Variants in HEPH observed in about 807,000 individuals in gnomAD.
HEPH encodes the protein hephaestin.
In HEPH, 69 loss-of-function variants were observed where a neutral mutation model predicts 80.8. That is an observed-to-expected ratio of 0.85 (90% CI 0.70 to 1.04). The LOEUF is 1.04. Among genes scored for constraint, HEPH ranks in the 50% least tolerant of loss-of-function variants. HEPH has a pLI of 0.00. For synonymous variants in HEPH, 431 were observed against 322.8 expected (o/e 1.34, Z -3.60); for missense variants, 1,115 against 891.3 (o/e 1.25, Z -3.20).
chrX:66,238,543 A>AAAAC lies in HEPH; in HGVS notation c.2564-16472_2564-16469dup, dbSNP rs895686464. Among the ~76,000 whole-genome samples the AAAAC allele has an allele frequency of 7.2e-5, 8 of 111,396 alleles. No individual in the cohort carries two copies. The South Asian group carries it at 1.1e-3, about 16-fold the overall frequency. ...CTGCATGACAAAGTGAGACCCTGTCAAAACAAACAAACAAACAAACAAAAG... is the reference window on the plus strand; with the variant it reads ...CTGCATGACAAAGTGAGACCCTGTCAAAACAAACAAACAAACAAACAAACAAAAG... On this transcript the variant is annotated intron_variant, in intron 15 of 20. Coordinates refer to ENST00000343002, the MANE Select transcript of HEPH (RefSeq NM_001367233.3).
intron 15 of HEPH, among the ~76,000 whole-genome samples, chrX:66,247,584 A>G (rs1432826165): frequency 9.1e-6 from 1 of 110,250 alleles, no homozygotes; most frequent in Non-Finnish European, 1.9e-5. Context: ...TTTACTTTTT[A>G]TTTATGTTTT....
chrX:66,178,156 C>A (rs745977827), intron 4 of HEPH, among the ~76,000 whole-genome samples: 20 of 111,251 alleles, frequency 1.8e-4, no homozygotes, highest in African/African-American at 5.2e-4. Flanking sequence ...CAAGTGTTCT[C>A]ATTGTTCAAT....
intron 15 of HEPH, among the ~76,000 whole-genome samples, chrX:66,209,878 A>T (rs2089017873): frequency 1.8e-5 from 2 of 111,233 alleles, no homozygotes; most frequent in African/African-American, 6.5e-5. Context: ...TGGATTTGGT[A>T]TATTTGTAAG....
At chrX:66,176,621 G>T (rs1285591019) in intron 4 of HEPH, among the ~76,000 whole-genome samples, 2 of 110,884 alleles carry the variant, frequency 1.8e-5, no homozygotes, top group African/African-American at 6.6e-5. Flanking sequence ...TTAGCATTAG[G>T]TATATCTCCT....
At chrX:66,176,232 T>C (rs1472398342) in intron 4 of HEPH, among the ~76,000 whole-genome samples, 1 of 112,305 alleles carries the variant, frequency 8.9e-6, no homozygotes, top group African/African-American at 3.2e-5. Flanking sequence ...AATGTAATGT[T>C]GGATTTTGTT....
intron 3 of HEPH, 126 bp downstream of exon 3, chrX:66,172,725 A>C: frequency 1.4e-6 from 1 of 733,188 alleles, no homozygotes; most frequent in Non-Finnish European, 1.9e-6. Flanking sequence ...GGTGGCAAAG[A>C]CTCTCCTCAG....
intron 15 of HEPH, among the ~76,000 whole-genome samples, chrX:66,248,978 G>T (rs137916100): frequency 9.0e-6 from 1 of 111,716 alleles, no homozygotes. Flanking sequence ...GGCCATCAGT[G>T]TTGTGGAGGT....
intron 4 of HEPH, among the ~76,000 whole-genome samples, chrX:66,176,670 C>A (rs889853878): frequency 9.0e-6 from 1 of 110,701 alleles, no homozygotes; most frequent in African/African-American, 3.3e-5. Flanking sequence ...CCACAACAGT[C>A]CCTGGTGTGT....
intron 4 of HEPH, among the ~76,000 whole-genome samples, chrX:66,174,162 C>T (rs2086709731): frequency 9.1e-6 from 1 of 109,878 alleles, no homozygotes; most frequent in Admixed American, 9.8e-5. Context: ...CCTCGTGCCC[C>T]CCCAGCCTTT....
intron 15 of HEPH, among the ~76,000 whole-genome samples, chrX:66,222,002 G>A (rs976507005): frequency 8.9e-6 from 1 of 112,428 alleles, no homozygotes; most frequent in Non-Finnish European, 1.9e-5. Context: ...ATAGCCAATT[G>A]GACTAATGTA....
chrX:66,175,050 A>G (rs2086743731), intron 4 of HEPH, among the ~76,000 whole-genome samples: 1 of 111,238 alleles, frequency 9.0e-6, no homozygotes, highest in African/African-American at 3.3e-5. Context: ...TTTTGATTGC[A>G]TTTGCCTTTG....
intron 9 of HEPH, among the ~76,000 whole-genome samples, 163 bp downstream of exon 9, chrX:66,195,392 T>G (rs1193861552): frequency 9.0e-6 from 1 of 111,500 alleles, no homozygotes; most frequent in Non-Finnish European, 1.9e-5. Flanking sequence ...AGAGCTGGGC[T>G]TCAATAATAA....
chrX:66,177,499 T>G (rs2086862539), intron 4 of HEPH, among the ~76,000 whole-genome samples: 1 of 111,935 alleles, frequency 8.9e-6, no homozygotes, highest in Non-Finnish European at 1.9e-5. Flanking sequence ...GGTTTCTAGT[T>G]TATGTGCAGA....
rs1244401801 is a variant in HEPH at position 66,187,373 on chromosome X, T to G, written c.626-986T>G. ...GAGTTGGGTTTCTGGTTCCTTCTCA[T>G]TTGAGTGGGCTCTGTCAGAGGGAAA... On this transcript the variant is annotated intron_variant, in intron 4 of 20. Transcript: ENST00000343002. Among the ~76,000 whole-genome samples, 11 of 111,545 alleles carry G rather than the reference T, an allele frequency of 9.9e-5. No homozygotes were observed. The Admixed American group carries it at 1.1e-3, about 11-fold the overall frequency.
chrX:66,266,350 G>A, intron 20 of HEPH, 90 bp from the exon 21 acceptor site: 1 of 643,949 alleles, frequency 1.6e-6, no homozygotes, highest in Admixed American at 3.1e-5. Flanking sequence ...TATTTGGATT[G>A]ACTTGTTTTT....
At chrX:66,240,078 A>G (rs1368450115) in intron 15 of HEPH, among the ~76,000 whole-genome samples, 1 of 112,460 alleles carries the variant, frequency 8.9e-6, no homozygotes, top group Non-Finnish European at 1.9e-5. Context: ...AATAACTATG[A>G]TTAAAATGTT....
chrX:66,229,738 T>G (rs189514311), intron 15 of HEPH, among the ~76,000 whole-genome samples: 6 of 112,290 alleles, frequency 5.3e-5, no homozygotes, highest in African/African-American at 1.9e-4. Context: ...AATTTGTTCC[T>G]TTCATCCTAC....
upstream of HEPH, among the ~76,000 whole-genome samples, chrX:66,163,144 T>A (rs918248398): frequency 1.5e-4 from 17 of 111,554 alleles, no homozygotes; most frequent in African/African-American, 5.5e-4. Context: ...AAGACCCTCA[T>A]TGTAGAAATA....
At chrX:66,255,885 C>G (rs1372888577) in intron 16 of HEPH, among the ~76,000 whole-genome samples, 4 of 112,025 alleles carry the variant, frequency 3.6e-5, no homozygotes. Flanking sequence ...ATAGTTTAGC[C>G]TAGATAAAGC....
Sources: gnomAD v4.1 joint callset for allele counts (sites outside exome capture counted in the v4.1 genomes callset) on GRCh38, gnomAD v4.1.1 for gene constraint, MANE v1.5 for transcripts, NCBI Gene and HGNC (gene_info 2026-07-23, HGNC 2026-07-21) for gene names.